The following AFF3 variants were observed in gnomAD, a reference collection of about 807,000 sequenced individuals.
AFF3 encodes the protein ALF transcription elongation factor 3.
In AFF3, 32 loss-of-function variants were observed where a neutral mutation model predicts 129.7. The observed-to-expected ratio is 0.25, with a 90% confidence interval of 0.19 to 0.33. AFF3 has a LOEUF of 0.33. Ranked by LOEUF, AFF3 falls within the 10% of genes least tolerant of loss-of-function variation. The probability of loss-of-function intolerance (pLI) is 1.00; values close to 1 mark genes in which losing one functional copy is unlikely to be tolerated. For missense variants in AFF3, 1,373 were observed against 1,592.0 expected (o/e 0.86, Z 2.34); for synonymous variants, 644 against 635.4 (o/e 1.01, Z -0.20).
At chr2:99,675,431 G>C (rs1345646792) in intron 11 of AFF3, among the ~76,000 whole-genome samples, 1 of 152,220 alleles carries the variant, frequency 6.6e-6, no homozygotes, top group Non-Finnish European at 1.5e-5. Context: ...GACAGGCACA[G>C]AGGTACACCC....
intron 7 of AFF3, among the ~76,000 whole-genome samples, chr2:99,897,584 A>C (rs1233830444): frequency 2.0e-5 from 3 of 152,100 alleles, no homozygotes; most frequent in African/African-American, 7.2e-5. Context: ...ACCTTTTCAA[A>C]ACCCGGCTTC....
intron 7 of AFF3, among the ~76,000 whole-genome samples, chr2:99,913,501 C>T (rs934422478): frequency 1.3e-5 from 2 of 152,126 alleles, no homozygotes; most frequent in Admixed American, 6.6e-5. Flanking sequence ...GACAGATATA[C>T]GTATGTATAT....
intron 4 of AFF3, among the ~76,000 whole-genome samples, chr2:100,065,671 C>T (rs1255809523): frequency 6.6e-6 from 1 of 152,136 alleles, no homozygotes; most frequent in Non-Finnish European, 1.5e-5. Context: ...AAACAGAACC[C>T]TTCCATTTTT....
At chr2:99,813,827 T>G (rs1000855030) in intron 8 of AFF3, among the ~76,000 whole-genome samples, 10 of 152,184 alleles carry the variant, frequency 6.6e-5, no homozygotes, top group Non-Finnish European at 1.3e-4. Flanking sequence ...CACAGTCACA[T>G]AGAACAAAAC....
intron 1 of AFF3, among the ~76,000 whole-genome samples, chr2:100,129,560 A>T (rs1322513676): frequency 1.1e-4 from 16 of 152,144 alleles, no homozygotes; most frequent in Non-Finnish European, 1.5e-5. Flanking sequence ...CATTTAGAAA[A>T]TTACTATTGT....
At chr2:99,692,241 C>G (rs542690843) in intron 11 of AFF3, among the ~76,000 whole-genome samples, 1 of 152,298 alleles carries the variant, frequency 6.6e-6, no homozygotes, top group Non-Finnish European at 1.5e-5. Context: ...GACTCAGTCC[C>G]AAGGCCCAGG....
chr2:99,761,054 CCCACT>C (rs1407436128), intron 8 of AFF3, among the ~76,000 whole-genome samples: 1 of 151,846 alleles, frequency 6.6e-6, no homozygotes, highest in East Asian at 1.9e-4. Context: ...GCTGCCATGT[CCCACT>C]CCTTAGCCTT....
At chr2:99,700,921 G>C (rs766403585) in intron 11 of AFF3, among the ~76,000 whole-genome samples, 11 of 152,224 alleles carry the variant, frequency 7.2e-5, no homozygotes, top group Non-Finnish European at 1.3e-4. Context: ...CGGAGTGAGC[G>C]TGAGACGGTC....
At chr2:99,888,682 A>G (rs1476444012) in intron 7 of AFF3, among the ~76,000 whole-genome samples, 1 of 152,208 alleles carries the variant, frequency 6.6e-6, no homozygotes, top group Non-Finnish European at 1.5e-5. Context: ...CTTGTCCTAA[A>G]AAGACTAAAG....
At position 99,657,628 on chromosome 2, in the gene AFF3, G is replaced by A. The variant is rs139756309; in HGVS notation, c.1144-7962C>T. On this transcript the variant is annotated intron_variant, in intron 12 of 24. Coordinates refer to ENST00000672756, the MANE Select transcript of AFF3 (RefSeq NM_001386135.1). Reference sequence around the variant, plus strand: ...GGAAATACATTTTTTTCACATCTGTGTATTATTTCCCTATTTGCTTTATTT... The same window carrying A: ...GGAAATACATTTTTTTCACATCTGTATATTATTTCCCTATTTGCTTTATTT... Among the ~76,000 whole-genome samples, 102 of 152,248 alleles carry A rather than the reference G, an allele frequency of 6.7e-4. 2 individuals are homozygous for A. The highest frequency in any genetic ancestry group is 2.3e-3 in the African/African-American group (97 of 41,540).
rs1391688839 is a variant in AFF3 at position 100,042,780 on chromosome 2, T to A, written c.54-33848A>T. Among the ~76,000 whole-genome samples the A allele has an allele frequency of 2.6e-5, 4 of 152,368 alleles. No homozygotes were observed. The East Asian group carries it at 7.7e-4, about 29-fold the overall frequency. ...GAGGAACTTTATGAAGTTTCTAACA[T>A]GGTCCCTGCTATGGCACCTAACTGC... On this transcript the variant is annotated intron_variant, in intron 4 of 24. Transcript: ENST00000672756.
At chr2:100,102,508 A>G (rs943616817) in intron 4 of AFF3, among the ~76,000 whole-genome samples, 2 of 151,938 alleles carry the variant, frequency 1.3e-5, no homozygotes, top group African/African-American at 4.8e-5. Context: ...TAATAAATGT[A>G]CTGCTAATGT....
At chr2:99,765,463 C>T (rs777071137) in intron 8 of AFF3, among the ~76,000 whole-genome samples, 23 of 152,168 alleles carry the variant, frequency 1.5e-4, no homozygotes, top group Non-Finnish European at 2.6e-4. Context: ...ATCTGGGAAA[C>T]CTTGTATAAT....
chr2:99,866,643 G>A (rs1052616180), intron 7 of AFF3, among the ~76,000 whole-genome samples: 4 of 152,054 alleles, frequency 2.6e-5, no homozygotes, highest in Admixed American at 2.6e-4. Flanking sequence ...GTCACGCTGG[G>A]TCATGGCTCT....
chr2:99,968,353 A>G (rs1363167777), intron 7 of AFF3, among the ~76,000 whole-genome samples: 3 of 152,002 alleles, frequency 2.0e-5, no homozygotes, highest in Non-Finnish European at 4.4e-5. Context: ...TATTTTCTTC[A>G]TTTTGCTTCC....
At chr2:99,621,891 G>A (rs1001910635) in intron 13 of AFF3, among the ~76,000 whole-genome samples, 6 of 152,216 alleles carry the variant, frequency 3.9e-5, no homozygotes, top group African/African-American at 1.4e-4. Flanking sequence ...GAGTTGTGTG[G>A]GGGAAGCTGA....
At chr2:99,869,563 T>C (rs1691708663) in intron 7 of AFF3, among the ~76,000 whole-genome samples, 1 of 152,204 alleles carries the variant, frequency 6.6e-6, no homozygotes, top group African/African-American at 2.4e-5. Flanking sequence ...CTTTGACTGA[T>C]AAGTAATATT....
At chr2:99,894,851 C>T (rs1356398906) in intron 7 of AFF3, among the ~76,000 whole-genome samples, 3 of 152,144 alleles carry the variant, frequency 2.0e-5, no homozygotes, top group Non-Finnish European at 4.4e-5. Flanking sequence ...AGTACAAAAG[C>T]ACACAGATTT....
chr2:99,999,329 C>T (rs185542118), intron 7 of AFF3, among the ~76,000 whole-genome samples: 142 of 152,290 alleles, frequency 9.3e-4, no homozygotes, highest in African/African-American at 2.8e-3. Context: ...GCAGGGATTA[C>T]GGAGGCCCCA....
Sources: gnomAD v4.1 joint callset for allele counts (sites outside exome capture counted in the v4.1 genomes callset) on GRCh38, gnomAD v4.1.1 for gene constraint, MANE v1.5 for transcripts, NCBI Gene and HGNC (gene_info 2026-07-23, HGNC 2026-07-21) for gene names.